The following ITGAV variants were observed in gnomAD, a reference collection of about 807,000 sequenced individuals.
ITGAV encodes the protein integrin alpha-V.
In ITGAV, 76 loss-of-function variants were observed where a neutral mutation model predicts 143.8. That is an observed-to-expected ratio of 0.53 (90% CI 0.44 to 0.64). The LOEUF is 0.64. Ranked by LOEUF, ITGAV falls within the 30% of genes least tolerant of loss-of-function variation. ITGAV has a pLI of 0.00. For missense variants in ITGAV, 1,193 were observed against 1,274.7 expected (o/e 0.94, Z 0.98); for synonymous variants, 453 against 446.7 (o/e 1.01, Z -0.18).
At chr2:186,667,392 C>T (rs1404838898) in intron 23 of ITGAV, among the ~76,000 whole-genome samples, 162 bp downstream of exon 23, 1 of 152,088 alleles carries the variant, frequency 6.6e-6, no homozygotes, top group Non-Finnish European at 1.5e-5. Flanking sequence ...TGTTCCAAAC[C>T]CCCAATACTG....
At chr2:186,666,876 G>A in intron 22 of ITGAV, 93 bp downstream of exon 22, 2 of 618,426 alleles carry the variant, frequency 3.2e-6, no homozygotes, top group Non-Finnish European at 5.1e-6. Flanking sequence ...TAAAGTAGCA[G>A]ATTAAATTTT....
rs199768134 is a variant in ITGAV, at chr2:186,590,146, G to T, written c.-193G>T. ...GCTGTCCCCGCCCCGCGCGCTCTGC[G>T]CCCCTCGTCCCTGGCGGTCGCTCCG... On this transcript the variant is annotated 5_prime_UTR_variant, in exon 1 of 30. Transcript: ENST00000261023. 71 of 443,456 alleles carry T rather than the reference G, an allele frequency of 1.6e-4. No homozygotes were observed. The highest frequency in any genetic ancestry group is 1.4e-3 in the African/African-American group (67 of 48,378). The allele number at this position is 443,456 out of a possible 1,614,324, so 27.5% of individuals were successfully genotyped here.
In ITGAV at chr2:186,648,972, GTATATATATACATTTGTGTGTA is replaced by G. The variant is rs1559058573; in HGVS notation, c.1352-859_1352-838del. On this transcript the variant is annotated intron_variant, in intron 13 of 29. Coordinates refer to ENST00000261023, the MANE Select transcript of ITGAV (RefSeq NM_002210.5). ...TTTGTGTGTATATATATATACATTT[GTATATATATACATTTGTGTGTA>G]TATATATACACATTTGTGTGTATAT... is the stretch of plus-strand genomic sequence containing the variant. 1.7e-5 allele frequency among the ~76,000 whole-genome samples: 2 copies of G among 119,450 alleles called. 1 individual carries two copies. Among genetic ancestry groups the G allele is most frequent in the Non-Finnish European group, 3.6e-5 (2 of 55,932 alleles). 78.4% of individuals were successfully genotyped at this position (119,450 alleles called of 152,430 possible).
chr2:186,638,633 T>C (rs1574483113), intron 10 of ITGAV, among the ~76,000 whole-genome samples, 168 bp downstream of exon 10: 1 of 27,002 alleles, frequency 3.7e-5, no homozygotes, highest in African/African-American at 1.2e-4. Context: ...CTTTTGAGCG[T>C]GTGTGTGTGT....
chr2:186,626,155 C>A (rs191964875), intron 4 of ITGAV, among the ~76,000 whole-genome samples: 2 of 152,276 alleles, frequency 1.3e-5, no homozygotes, highest in African/African-American at 4.8e-5. Context: ...ATCAGAATTT[C>A]TTTGTTAACC....
chr2:186,668,744 TTTC>T lies in ITGAV; in HGVS notation c.2434-15_2434-13del. ...ATTTTTGCCCAAGGTGTAGATACAT[TTTC>T]TTTTTTCTCCTTAGCTGAGAAACAA... On this transcript the variant is annotated splice_polypyrimidine_tract_variant and intron_variant, in intron 24 of 29. Transcript: ENST00000261023. The T allele has an allele frequency of 6.2e-7, 1 of 1,608,988 alleles. No homozygotes were observed. The highest frequency in any genetic ancestry group is 8.5e-7 in the Non-Finnish European group (1 of 1,178,544).
intron 1 of ITGAV, among the ~76,000 whole-genome samples, chr2:186,595,983 G>A (rs1392681567): frequency 1.3e-5 from 2 of 151,950 alleles, no homozygotes; most frequent in Non-Finnish European, 2.9e-5. Context: ...AAACACTGAG[G>A]AAAGAAAAGC....
intron 13 of ITGAV, among the ~76,000 whole-genome samples, chr2:186,649,282 T>C (rs1688359348): frequency 6.6e-6 from 1 of 151,884 alleles, no homozygotes; most frequent in East Asian, 1.9e-4. Flanking sequence ...TTTTTTTTCA[T>C]GTGATTTTCT....
At chr2:186,669,565 C>G in intron 25 of ITGAV, 136 bp from the exon 26 acceptor site, 2 of 644,908 alleles carry the variant, frequency 3.1e-6, no homozygotes, top group Non-Finnish European at 5.5e-6. Context: ...TCACTATATA[C>G]TGAGTGGTAA....
At chr2:186,660,981 A>T (rs1688728394) in intron 18 of ITGAV, among the ~76,000 whole-genome samples, 1 of 152,184 alleles carries the variant, frequency 6.6e-6, no homozygotes, top group Admixed American at 6.5e-5. Context: ...GTTTTAACTT[A>T]ATAACTTCTT....
At chr2:186,662,698 A>C (rs1688780898) in intron 18 of ITGAV, among the ~76,000 whole-genome samples, 1 of 152,220 alleles carries the variant, frequency 6.6e-6, no homozygotes, top group Non-Finnish European at 1.5e-5. Context: ...TGAAGACAGT[A>C]AGAAACAGAA....
At chr2:186,666,134 G>A (rs1476091013) in intron 21 of ITGAV, among the ~76,000 whole-genome samples, 1 of 152,160 alleles carries the variant, frequency 6.6e-6, no homozygotes, top group Non-Finnish European at 1.5e-5. Context: ...TATGTCATTT[G>A]TGTGATCCCC....
intron 24 of ITGAV, 68 bp downstream of exon 24, chr2:186,667,844 CT>C: frequency 1.2e-6 from 1 of 862,532 alleles, no homozygotes; most frequent in Non-Finnish European, 1.8e-6. Flanking sequence ...AACTAAGCTA[CT>C]TTAAAAAAAA....
Position 186,590,371 on chromosome 2 carries a change from C to A in ITGAV, c.33C>A (p.Leu11=). 1.3e-6 allele frequency: 2 copies of A among 1,591,538 alleles called. No individual in the cohort carries two copies. Among genetic ancestry groups the A allele is most frequent in the Non-Finnish European group, 1.7e-6 (2 of 1,170,882 alleles). ...TTCCGCCGCGGCGACGGCTGCGCCTCGGTCCCCGCGGCCTCCCGCTTCTTC... is the reference window on the plus strand; with the variant it reads ...TTCCGCCGCGGCGACGGCTGCGCCTAGGTCCCCGCGGCCTCCCGCTTCTTC... MAFPPRRRLR[L]GPRGLPLLLS... Residue 11 remains leucine, a synonymous_variant, in exon 1 of 30, where the codon CTC becomes CTA. Coordinates refer to ENST00000261023, the MANE Select transcript of ITGAV (RefSeq NM_002210.5).
Position 186,641,370 on chromosome 2 carries a change from G to A in ITGAV, c.957-16G>A. The A allele has an allele frequency of 6.2e-7, 1 of 1,607,696 alleles. No individual in the cohort carries two copies. The highest frequency in any genetic ancestry group is 8.5e-7 in the Non-Finnish European group (1 of 1,174,572). ...AAATTTGTTCTTGCTTTGGTGAGAA[G>A]TTTCTGTTCTTCTAGTTATGCAGAT... On this transcript the variant is annotated splice_polypyrimidine_tract_variant and intron_variant, in intron 11 of 29. Coordinates refer to ENST00000261023, the MANE Select transcript of ITGAV (RefSeq NM_002210.5).
chr2:186,648,651 G>C (rs1023715452), intron 13 of ITGAV, among the ~76,000 whole-genome samples: 3 of 151,822 alleles, frequency 2.0e-5, no homozygotes, highest in Non-Finnish European at 4.4e-5. Flanking sequence ...TTTTAGTAGA[G>C]ATGGGGTTTC....
intron 19 of ITGAV, 78 bp from the exon 20 acceptor site, chr2:186,664,416 C>G: frequency 7.3e-7 from 1 of 1,366,666 alleles, no homozygotes; most frequent in African/African-American, 1.4e-5. Flanking sequence ...GTGTATTTAT[C>G]TCTTCTTTCT....
In ITGAV at chr2:186,667,249, T is replaced by G. The variant is rs1371880421; in HGVS notation, c.2327+19T>G. 6.5e-7 allele frequency: 1 copy of G among 1,544,486 alleles called. No homozygotes were observed. On this transcript the variant is annotated intron_variant, in intron 23 of 29. Coordinates refer to ENST00000261023, the MANE Select transcript of ITGAV (RefSeq NM_002210.5). ...TAAGAGGGTCAGTATGAATACTTAG[T>G]TGAGTATCTCATTCTCATGATTGCT...
intron 4 of ITGAV, among the ~76,000 whole-genome samples, chr2:186,627,711 G>T (rs567080762): frequency 4.6e-5 from 7 of 152,258 alleles, no homozygotes; most frequent in African/African-American, 1.7e-4. Flanking sequence ...TAGTACAGTT[G>T]TGAGAGTTGA....
Sources: gnomAD v4.1 joint callset for allele counts (sites outside exome capture counted in the v4.1 genomes callset) on GRCh38, gnomAD v4.1.1 for gene constraint, MANE v1.5 for transcripts, NCBI Gene and HGNC (gene_info 2026-07-23, HGNC 2026-07-21) for gene names.